The following PHEX variants were observed in gnomAD, a reference collection of about 807,000 sequenced individuals.
The protein encoded by PHEX is phosphate regulating endopeptidase X-linked, also known as phosphate-regulating neutral endopeptidase PHEX.
PHEX carries 16 observed loss-of-function variants against 68.0 expected under a neutral mutation model. The ratio of observed to expected loss-of-function variants is 0.24; its 90% CI spans 0.16 to 0.36. PHEX has a LOEUF of 0.36. Among genes scored for constraint, PHEX ranks in the 10% least tolerant of loss-of-function variants. The pLI, the probability that PHEX is intolerant of heterozygous loss-of-function variation, is 1.00. For synonymous variants in PHEX, 208 were observed against 205.1 expected, an observed-to-expected ratio of 1.01 and a Z score of -0.12; for missense variants, 480 against 575.5, an observed-to-expected ratio of 0.83 and a Z score of 1.70.
chrX:22,239,959 TGAA>T (rs1936127403), intron 20 of PHEX, among the ~76,000 whole-genome samples: 1 of 110,760 alleles, frequency 9.0e-6, no homozygotes, highest in Admixed American at 9.6e-5. Flanking sequence ...AAGGTTGAAA[TGAA>T]GGAAAAAAGG....
At chrX:22,100,834 G>A (rs7061038) in intron 9 of PHEX, among the ~76,000 whole-genome samples, 9,008 of 111,109 alleles carry the variant, frequency 0.081, 585 homozygotes, top group African/African-American at 0.22. Flanking sequence ...AGATGGAAAA[G>A]TCACCTTAGA....
At chrX:22,193,948 A>G (rs1426701906) in intron 15 of PHEX, among the ~76,000 whole-genome samples, 1 of 112,175 alleles carries the variant, frequency 8.9e-6, no homozygotes, top group African/African-American at 3.2e-5. Flanking sequence ...TAGCGAGTGT[A>G]AGAGATCAGC....
intron 15 of PHEX, among the ~76,000 whole-genome samples, chrX:22,196,483 T>A (rs1934372630): frequency 8.9e-6 from 1 of 112,265 alleles, no homozygotes; most frequent in Admixed American, 9.4e-5. Context: ...CCTGGCTGTG[T>A]TCCAGTAAAA....
chrX:22,123,276 A>G (rs1277402844), intron 11 of PHEX, among the ~76,000 whole-genome samples: 6 of 110,905 alleles, frequency 5.4e-5, no homozygotes, highest in Non-Finnish European at 1.1e-4. Flanking sequence ...GGTGTGAGCC[A>G]CCTGTAACTC....
intron 9 of PHEX, among the ~76,000 whole-genome samples, chrX:22,101,318 G>C (rs1255341484): frequency 8.9e-6 from 1 of 112,487 alleles, no homozygotes; most frequent in African/African-American, 3.2e-5. Context: ...TGAGAAGTCT[G>C]ACAGCATTTT....
At chrX:22,209,849 T>A (rs1354451812) in intron 15 of PHEX, among the ~76,000 whole-genome samples, 1 of 105,333 alleles carries the variant, frequency 9.5e-6, no homozygotes, top group East Asian at 3.0e-4. Flanking sequence ...CACAGAGACA[T>A]TTACACTGTG....
chrX:22,077,903 A>G (rs1268582351), intron 5 of PHEX, among the ~76,000 whole-genome samples: 3 of 112,008 alleles, frequency 2.7e-5, no homozygotes, highest in Non-Finnish European at 5.6e-5. Context: ...AGCCTTTTGG[A>G]AAACTAGTGA....
chrX:22,133,466 A>C, intron 11 of PHEX, 57 bp from the exon 12 acceptor site: 1 of 982,081 alleles, frequency 1.0e-6, no homozygotes. Context: ...TTGTTCCAGA[A>C]AACCTCGACT....
intron 5 of PHEX, among the ~76,000 whole-genome samples, chrX:22,078,765 G>T (rs1212971112): frequency 1.8e-5 from 2 of 111,735 alleles, no homozygotes; most frequent in Non-Finnish European, 3.8e-5. Context: ...GACAACAAAG[G>T]TATGGCTGTA....
At chrX:22,244,091 T>C (rs899551340) in intron 20 of PHEX, among the ~76,000 whole-genome samples, 1 of 112,029 alleles carries the variant, frequency 8.9e-6, no homozygotes, top group African/African-American at 3.3e-5. Flanking sequence ...CACCATGGAA[T>C]ACTATGCAGC....
In PHEX at chrX:22,132,517, G is replaced by A. The variant is rs562557534; in HGVS notation, c.1303-1006G>A. Among the ~76,000 whole-genome samples the A allele has an allele frequency of 6.6e-4, 74 of 111,774 alleles. 1 individual carries two copies. In the South Asian group the frequency reaches 0.026, roughly 40 times the overall value. ...GAGCCGAACATTTAGTTTAACCCAC[G>A]GAACTAAATCTGGAAAGAACTGGGG... On this transcript the variant is annotated intron_variant, in intron 11 of 21. Transcript: ENST00000379374.
intron 15 of PHEX, among the ~76,000 whole-genome samples, chrX:22,195,804 G>A (rs1451716107): frequency 9.0e-6 from 1 of 111,359 alleles, no homozygotes; most frequent in African/African-American, 3.3e-5. Context: ...GAGGAGGCAT[G>A]TGACACATTC....
chrX:22,089,014 A>G (rs1929743188), intron 5 of PHEX, among the ~76,000 whole-genome samples: 1 of 111,834 alleles, frequency 8.9e-6, no homozygotes, highest in Admixed American at 9.5e-5. Context: ...CTTTTTGCTT[A>G]TGGATGCCCA....
rs375467493 is a variant in PHEX at position 22,113,393 on chromosome X, C to A, written c.1174-1065C>A. 7.2e-5 allele frequency among the ~76,000 whole-genome samples: 8 copies of A among 111,461 alleles called. No homozygotes were observed. The South Asian group carries it at 3.0e-3, about 42-fold the overall frequency. ...TTGTGCAAAGGACACTTCTGACCAC[C>A]ATTCTCAGGGCCTCCCTTCCTCCCT... On this transcript the variant is annotated intron_variant, in intron 10 of 21. Transcript: ENST00000379374.
At chrX:22,102,876 T>C (rs1185199423) in intron 9 of PHEX, among the ~76,000 whole-genome samples, 1 of 112,220 alleles carries the variant, frequency 8.9e-6, no homozygotes, top group East Asian at 2.8e-4. Flanking sequence ...AGCCAAGCCT[T>C]CTCACATTGG....
At chrX:22,215,326 C>T (rs1935053127) in intron 16 of PHEX, among the ~76,000 whole-genome samples, 1 of 111,468 alleles carries the variant, frequency 9.0e-6, no homozygotes, top group Admixed American at 9.5e-5. Context: ...ATGCTAAAGA[C>T]ATGGGAGTCA....
intron 15 of PHEX, among the ~76,000 whole-genome samples, chrX:22,199,385 T>C (rs1156962806): frequency 1.8e-5 from 2 of 112,001 alleles, no homozygotes; most frequent in Admixed American, 9.5e-5. Flanking sequence ...GATCCTCCCT[T>C]ATCCATGGTT....
Position 22,249,455 on chromosome X carries a change from A to AAAAATAT in PHEX, c.*1503_*1504insAAATATA. 7.0e-3 allele frequency: 278 copies of AAAAATAT among 39,722 alleles called. 2 individuals carry two copies. Among genetic ancestry groups the AAAAATAT allele is most frequent in the African/African-American group, 0.016 (98 of 5,997 alleles). The allele number at this position is 39,722 out of a possible 1,213,427, so 3.3% of individuals were successfully genotyped here. A position where few individuals can be genotyped will look rare whatever the true frequency, so the allele number is the denominator to read the frequency against. ...TTGTGATTCTTTTAAAAAAAAAAAA[A>AAAAATAT]ATATATATATATATATATATATATA... is the stretch of plus-strand genomic sequence containing the variant. On this transcript the variant is annotated 3_prime_UTR_variant, in exon 22 of 22. Coordinates refer to ENST00000379374, the MANE Select transcript of PHEX (RefSeq NM_000444.6).
chrX:22,100,255 C>A (rs2147048743), intron 9 of PHEX, among the ~76,000 whole-genome samples: 1 of 111,607 alleles, frequency 9.0e-6, no homozygotes, highest in African/African-American at 3.3e-5. Flanking sequence ...TTCCAAGGCC[C>A]TCCTCCATTG....
Sources: allele counts gnomAD v4.1 joint callset (sites outside exome capture counted in the v4.1 genomes callset), GRCh38; gene constraint gnomAD v4.1.1; transcripts MANE v1.5; gene names NCBI Gene and HGNC (gene_info 2026-07-23, HGNC 2026-07-21).